SGCE: variants seen among roughly 807,000 people sequenced by gnomAD.
The protein encoded by SGCE is epsilon-sarcoglycan.
A neutral mutation model predicts 57.8 loss-of-function variants in SGCE; 26 were observed. That is an observed-to-expected ratio of 0.45 (90% CI 0.33 to 0.62). The LOEUF (loss-of-function observed/expected upper bound fraction) is 0.62, where lower values mean the gene tolerates loss of function less well. Among genes scored for constraint, SGCE ranks in the 20% least tolerant of loss-of-function variants. The pLI is 0.02. For synonymous variants in SGCE, 183 were observed against 189.5 expected, an observed-to-expected ratio of 0.97 and a Z score of 0.28; for missense variants, 468 against 548.6, an observed-to-expected ratio of 0.85 and a Z score of 1.47.
chr7:94,609,895 AGCCT>A (rs1217153894), intron 5 of SGCE, among the ~76,000 whole-genome samples: 1 of 152,182 alleles, frequency 6.6e-6, no homozygotes. Flanking sequence ...TCCACACAAA[AGCCT>A]GCACATGGAT....
At position 94,603,380 on chromosome 7, in the gene SGCE, T is replaced by C. The variant is rs1435521423; in HGVS notation, c.735A>G (p.Gln245=). ...GCTCCATTTCTTGACTACATCTCAA[T>C]TGATTCTGTGGATTTTCAACTTCTC... ...CLREVENPQN[Q]LRCSQEMEPV... Residue 245 remains glutamine (Q), a synonymous_variant, in exon 6 of 11, where the codon CAA becomes CAG. Transcript: ENST00000648936. 2 of 1,613,156 alleles carry C rather than the reference T, an allele frequency of 1.2e-6. No homozygotes were observed. Among genetic ancestry groups the C allele is most frequent in the Admixed American group, 1.7e-5 (1 of 59,956 alleles).
intron 3 of SGCE, 69 bp downstream of exon 3, chr7:94,628,133 A>G (rs1459389873): frequency 8.6e-6 from 10 of 1,168,218 alleles, no homozygotes; most frequent in Non-Finnish European, 1.2e-5. Context: ...AACTCAAATT[A>G]CAATACACAC....
chr7:94,587,240 T>G, intron 10 of SGCE: 3 of 985,918 alleles, frequency 3.0e-6, no homozygotes, highest in Non-Finnish European at 3.6e-6. Context: ...CAAGAGTACT[T>G]GCTAAAAAAT....
intron 10 of SGCE, chr7:94,587,919 C>T (rs1466005674): frequency 2.1e-6 from 3 of 1,456,646 alleles, no homozygotes; most frequent in Admixed American, 6.0e-5. Context: ...AATAGTTTCC[C>T]TACCACAATG....
At chr7:94,607,215 A>G (rs1800286864) in intron 5 of SGCE, among the ~76,000 whole-genome samples, 1 of 152,196 alleles carries the variant, frequency 6.6e-6, no homozygotes. Flanking sequence ...GAATTCTACT[A>G]GACATTTAAG....
At chr7:94,653,915 A>T (rs1278590983) in intron 1 of SGCE, among the ~76,000 whole-genome samples, 1 of 152,070 alleles carries the variant, frequency 6.6e-6, no homozygotes, top group African/African-American at 2.4e-5. Flanking sequence ...CTCCAAACTT[A>T]ATGTTATTTA....
Position 94,591,904 on chromosome 7 carries a change from A to C in SGCE, c.1254-3172T>G, listed in dbSNP as rs78415215. On this transcript the variant is annotated intron_variant, in intron 9 of 10. Transcript: ENST00000648936. The stretch of plus-strand genomic sequence containing the variant: ...TTGATTTAGAGACTGAAAAGTATCC[A>C]TAGTGGGTGTTCTAAGTGGTTGTGT... Among the ~76,000 whole-genome samples, 856 of 152,334 alleles carry C rather than the reference A, an allele frequency of 5.6e-3. 3 individuals carry two copies. Among genetic ancestry groups the C allele is most frequent in the Middle Eastern group, 0.01 (3 of 294 alleles).
At chr7:94,642,665 C>T (rs1435207314) in intron 1 of SGCE, among the ~76,000 whole-genome samples, 1 of 152,108 alleles carries the variant, frequency 6.6e-6, no homozygotes, top group Non-Finnish European at 1.5e-5. Flanking sequence ...CTACCCATTC[C>T]AACCTCCAAC....
Position 94,585,437 on chromosome 7 carries a change from AATGTG to A in SGCE, c.*57_*61del, listed in dbSNP as rs1796764679. ...TCATGCATTATTGGAAGAGAAAAGA[AATGTG>A]ATGTAACTGCTATATTGTCTGATTA... On this transcript the variant is annotated 3_prime_UTR_variant, in exon 11 of 11. Transcript: ENST00000648936. 3.4e-6 allele frequency: 5 copies of A among 1,490,814 alleles called. No homozygotes were observed. The East Asian group carries it at 1.1e-4, about 34-fold the overall frequency. The allele number at this position is 1,490,814 out of a possible 1,614,324, so 92.3% of individuals were successfully genotyped here. A position where few individuals can be genotyped will look rare whatever the true frequency, so the allele number is the denominator to read the frequency against.
At chr7:94,654,171 A>G (rs1443683417) in intron 1 of SGCE, among the ~76,000 whole-genome samples, 1 of 152,096 alleles carries the variant, frequency 6.6e-6, no homozygotes, top group Non-Finnish European at 1.5e-5. Context: ...ATTTTGTACA[A>G]TGACCTGAAA....
At chr7:94,593,534 G>T (rs1797981644) in intron 9 of SGCE, among the ~76,000 whole-genome samples, 1 of 151,662 alleles carries the variant, frequency 6.6e-6, no homozygotes, top group Non-Finnish European at 1.5e-5. Flanking sequence ...AAATATTTGG[G>T]ATCCTCCAGT....
At chr7:94,593,312 G>A (rs1797948476) in intron 9 of SGCE, among the ~76,000 whole-genome samples, 1 of 151,820 alleles carries the variant, frequency 6.6e-6, no homozygotes, top group Admixed American at 6.6e-5. Context: ...TTTTTGTGTA[G>A]CAAATTAATA....
chr7:94,614,558 T>C lies in SGCE; in HGVS notation c.662+4200A>G, dbSNP rs114267004. 5.5e-3 allele frequency among the ~76,000 whole-genome samples: 837 copies of C among 152,276 alleles called. 10 individuals are homozygous for C. The highest frequency in any genetic ancestry group is 0.019 in the African/African-American group (789 of 41,542). On this transcript the variant is annotated intron_variant, in intron 5 of 10. Transcript: ENST00000648936. Reference sequence around the variant, plus strand: ...CTATGCTCTCTCCTACCTTCGGTACTCGCCCAAGCCCTTTCCCCTGCATAG... The same window carrying C: ...CTATGCTCTCTCCTACCTTCGGTACCCGCCCAAGCCCTTTCCCCTGCATAG...
rs752642103 is a variant in SGCE at position 94,629,855 on chromosome 7, G to A, written c.110-14C>T. The A allele has an allele frequency of 1.7e-5, 28 of 1,609,760 alleles. No individual in the cohort carries two copies. Among genetic ancestry groups the A allele is most frequent in the Non-Finnish European group, 2.4e-5 (28 of 1,176,992 alleles). On this transcript the variant is annotated splice_polypyrimidine_tract_variant and intron_variant, in intron 1 of 10. Coordinates refer to ENST00000648936, the MANE Select transcript of SGCE (RefSeq NM_003919.3). ...AAATACTGTACACTGAAAACAAAGAGGAAAGATAAGTGACAGAAAGACAAA... is the reference window on the plus strand; with the variant it reads ...AAATACTGTACACTGAAAACAAAGAAGAAAGATAAGTGACAGAAAGACAAA...
intron 6 of SGCE, among the ~76,000 whole-genome samples, chr7:94,602,357 G>A (rs1799395612): frequency 6.6e-6 from 1 of 152,102 alleles, no homozygotes; most frequent in South Asian, 2.1e-4. Context: ...AAGGCAAAAG[G>A]CCACAAGGAG....
intron 5 of SGCE, among the ~76,000 whole-genome samples, chr7:94,605,924 G>T (rs1294003789): frequency 6.6e-6 from 1 of 152,078 alleles, no homozygotes; most frequent in Non-Finnish European, 1.5e-5. Context: ...TGCCTCCTGG[G>T]TTCAAGCAAT....
chr7:94,613,397 CTTTATGACCCTAGCACATG>C (rs1434513510), intron 5 of SGCE, among the ~76,000 whole-genome samples: 8 of 152,014 alleles, frequency 5.3e-5, no homozygotes, highest in Non-Finnish European at 1.2e-4. Flanking sequence ...TGATCTTTAC[CTTTATGACCCTAGCACATG>C]TTTTCAAATT....
intron 9 of SGCE, among the ~76,000 whole-genome samples, chr7:94,591,561 A>G (rs1377322552): frequency 6.6e-6 from 1 of 152,186 alleles, no homozygotes; most frequent in Non-Finnish European, 1.5e-5. Flanking sequence ...CATGTTTTCC[A>G]AAAGCACTAG....
chr7:94,654,461 C>T (rs1426567364), intron 1 of SGCE, among the ~76,000 whole-genome samples: 1 of 152,112 alleles, frequency 6.6e-6, no homozygotes, highest in Non-Finnish European at 1.5e-5. Flanking sequence ...CAGTACTCTA[C>T]CAAGCATAAG....
Sources: gnomAD v4.1 joint callset for allele counts (sites outside exome capture counted in the v4.1 genomes callset) on GRCh38, gnomAD v4.1.1 for gene constraint, MANE v1.5 for transcripts, NCBI Gene and HGNC (gene_info 2026-07-23, HGNC 2026-07-21) for gene names.